Variants in VKORC1 observed in about 807,000 individuals in gnomAD.
VKORC1 encodes the protein vitamin K epoxide reductase complex subunit 1.
In VKORC1, 12 loss-of-function variants were observed where a neutral mutation model predicts 14.8. The observed-to-expected ratio is 0.81, with a 90% confidence interval of 0.52 to 1.31. The LOEUF (loss-of-function observed/expected upper bound fraction) is 1.31. VKORC1 is among the 50% of genes most tolerant of loss of function. The pLI is 0.00. For missense variants in VKORC1, 223 were observed against 215.3 expected (o/e 1.04, Z -0.22); for synonymous variants, 94 against 92.5 (o/e 1.02, Z -0.09).
Position 31,094,546 on chromosome 16 carries a change from C to A in VKORC1, c.173+11G>T, listed in dbSNP as rs201515545. On this transcript the variant is annotated intron_variant, in intron 1 of 2. Coordinates refer to ENST00000394975, the MANE Select transcript of VKORC1 (RefSeq NM_024006.6). ...GCTCCGAGGCCCCACGCCTCCCACT[C>A]CCGTGCACACCTGGAGGAGAAGACG... 164 of 1,612,488 alleles carry A rather than the reference C, an allele frequency of 1.0e-4. No individual in the cohort carries two copies. In the East Asian group the frequency reaches 3.6e-3, roughly 36 times the overall value.
At chr16:31,093,559 T>C in intron 1 of VKORC1, 138 bp from the exon 2 acceptor site, 2 of 1,538,796 alleles carry the variant, frequency 1.3e-6, no homozygotes. Flanking sequence ...AGTCCAAGGG[T>C]CGATGATCTC....
chr16:31,093,650 G>A, intron 1 of VKORC1: 4 of 996,908 alleles, frequency 4.0e-6, no homozygotes, highest in Non-Finnish European at 5.7e-6. Flanking sequence ...AGGCCCGGAC[G>A]TGGCTACTCC....
rs762032513 is a variant in VKORC1 at position 31,093,403 on chromosome 16, C to A, written c.192G>T (p.Gly64=). 4 of 1,614,044 alleles carry A rather than the reference C, an allele frequency of 2.5e-6. No homozygotes were observed. The African/African-American group carries it at 4.0e-5, about 16-fold the overall frequency. Reference sequence around the variant, plus strand: ...CCTGTCCCAGCACATGCTCCACCAGCCCGAAACCCCTGCCCCACCTGGCAG... The same window carrying A: ...CCTGTCCCAGCACATGCTCCACCAGACCGAAACCCCTGCCCCACCTGGCAG... ...VFSSRWGRGF[G]LVEHVLGQDS... The change falls in exon 2 of 3, where the codon GGG becomes GGT. Residue 64 remains glycine, a synonymous_variant. Coordinates refer to ENST00000394975, the MANE Select transcript of VKORC1 (RefSeq NM_024006.6).
chr16:31,094,070 A>G, intron 1 of VKORC1: 7 of 1,230,232 alleles, frequency 5.7e-6, no homozygotes, highest in Non-Finnish European at 7.9e-6. Context: ...AGAGACTGGG[A>G]GTCGGGGGCA....
chr16:31,093,184 G>C (rs2057301165), intron 2 of VKORC1, 128 bp downstream of exon 2: 2 of 983,698 alleles, frequency 2.0e-6, no homozygotes, highest in African/African-American at 1.6e-5. Flanking sequence ...CCCGCAGGAC[G>C]CTCCGTGATG....
At position 31,091,174 on chromosome 16, in the gene VKORC1, C is replaced by A. The variant is rs199952041; in HGVS notation, c.452G>T (p.Arg151Leu). Reference sequence around the variant, plus strand: ...CTTGCCCTGGGGTTCTTGGACCTTCCGGAAACTGAGCCACATCAGGCTCAC... The same window carrying A: ...CTTGCCCTGGGGTTCTTGGACCTTCAGGAAACTGAGCCACATCAGGCTCAC... The part of the protein sequence containing the change: ...INVSLMWLSF[R>L]KVQEPQGKAK... The change falls in exon 3 of 3, where the codon CGG (arginine) becomes CTG (leucine). Residue 151 changes from arginine (R) to leucine (L), a missense_variant. Coordinates refer to ENST00000394975, the MANE Select transcript of VKORC1 (RefSeq NM_024006.6). The A allele has an allele frequency of 3.1e-6, 5 of 1,613,948 alleles. No homozygotes were observed. The African/African-American group carries it at 6.7e-5, about 22-fold the overall frequency.
intron 2 of VKORC1, among the ~76,000 whole-genome samples, chr16:31,091,917 C>T (rs1258730167): frequency 6.6e-6 from 1 of 151,728 alleles, no homozygotes; most frequent in African/African-American, 2.4e-5. Context: ...GGTTGACTCA[C>T]GCCTGTAATC....
At chr16:31,092,029 T>A (rs2057293261) in intron 2 of VKORC1, among the ~76,000 whole-genome samples, 1 of 151,554 alleles carries the variant, frequency 6.6e-6, no homozygotes, top group Admixed American at 6.6e-5. Flanking sequence ...AATACAAAAA[T>A]TAGCTGGGCG....
In VKORC1 at chr16:31,091,103, A is replaced by C. The variant is rs2057285862; in HGVS notation, c.*31T>G. ...CAAGGCTCACATGCCAAAGCAAAGC[A>C]GATGAGGTCAGCCTGGCTTGGGTTG... is the stretch of plus-strand genomic sequence containing the variant. On this transcript the variant is annotated 3_prime_UTR_variant, in exon 3 of 3. Transcript: ENST00000394975. 1 of 1,611,892 alleles carries C rather than the reference A, an allele frequency of 6.2e-7. No individual in the cohort carries two copies. Among genetic ancestry groups the C allele is most frequent in the South Asian group, 1.1e-5 (1 of 90,834 alleles).
intron 1 of VKORC1, chr16:31,094,041 G>A: frequency 1.9e-6 from 2 of 1,049,856 alleles, no homozygotes; most frequent in Non-Finnish European, 2.7e-6. Context: ...TGGTATAACG[G>A]TTCACTCGGT....
chr16:31,091,052 T>C lies in VKORC1; in HGVS notation c.*82A>G. ...TAGAAGCCCCACATCTAGGGCCTTC[T>C]AGGGACCCAGATATGCCCCCTTAGG... On this transcript the variant is annotated 3_prime_UTR_variant, in exon 3 of 3. Coordinates refer to ENST00000394975, the MANE Select transcript of VKORC1 (RefSeq NM_024006.6). 3.2e-6 allele frequency: 5 copies of C among 1,569,752 alleles called. No individual in the cohort carries two copies. In the South Asian group the frequency reaches 5.8e-5, roughly 18 times the overall value.
chr16:31,093,679 C>T, intron 1 of VKORC1: 3 of 323,552 alleles, frequency 9.3e-6, no homozygotes, highest in East Asian at 6.4e-5. Context: ...TGCTTTTCAT[C>T]TTAGACCTTA....
Position 31,091,244 on chromosome 16 carries a change from G to A in VKORC1, c.382C>T (p.Leu128Phe). The A allele has an allele frequency of 1.2e-6, 2 of 1,614,180 alleles. No individual in the cohort carries two copies. The highest frequency in any genetic ancestry group is 1.7e-6 in the Non-Finnish European group (2 of 1,180,046). The part of the protein sequence containing the change: ...VYLAWILFFV[L>F]YDFCIVCITT... Reference sequence around the variant, plus strand: ...ATACAAACAATGCAGAAATCATAGAGCACGAAGAACAGGATCCAGGCCAGG... The same window carrying A: ...ATACAAACAATGCAGAAATCATAGAACACGAAGAACAGGATCCAGGCCAGG... Residue 128 changes from leucine to phenylalanine, a missense_variant, in exon 3 of 3, where the codon CTC becomes TTC. Coordinates refer to ENST00000394975, the MANE Select transcript of VKORC1 (RefSeq NM_024006.6).
At chr16:31,093,445 G>A (rs777552067) in intron 1 of VKORC1, 24 bp from the exon 2 acceptor site, 1 of 1,614,130 alleles carries the variant, frequency 6.2e-7, no homozygotes, top group East Asian at 2.2e-5. Flanking sequence ...GGGGTGGGGT[G>A]GAACCAGGTT....
In VKORC1 at chr16:31,093,814, C is replaced by T. The variant is rs1366304742; in HGVS notation, c.174-393G>A. 3 of 264,094 alleles carry T rather than the reference C, an allele frequency of 1.1e-5. No homozygotes were observed. The South Asian group carries it at 1.3e-4, about 12-fold the overall frequency. 16.4% of individuals were successfully genotyped at this position (264,094 alleles called of 1,614,324 possible). ...CTCCGCCTCCCGGGTTCAAGCGATT[C>T]TCCTGCCTTAGCCCCCCCGAGTAGC... On this transcript the variant is annotated intron_variant, in intron 1 of 2. Transcript: ENST00000394975.
chr16:31,094,575 G>A lies in VKORC1; in HGVS notation c.155C>T (p.Ser52Leu). 1.2e-6 allele frequency: 2 copies of A among 1,611,210 alleles called. No homozygotes were observed. Among genetic ancestry groups the A allele is most frequent in the Non-Finnish European group, 1.7e-6 (2 of 1,179,332 alleles). Residue 52 changes from serine to leucine, a missense_variant, in exon 1 of 3, where the codon TCG becomes TTG. Coordinates refer to ENST00000394975, the MANE Select transcript of VKORC1 (RefSeq NM_024006.6). ...TGCACACCTGGAGGAGAAGACGCGC[G>A]AACAGCTGATGGCGGTGCCCACGTC... ...LCDVGTAISC[S>L]RVFSSRWGRG...
chr16:31,092,758 G>A (rs2057297509), intron 2 of VKORC1: 2 of 1,279,262 alleles, frequency 1.6e-6, no homozygotes, highest in African/African-American at 1.5e-5. Context: ...CAAAACTGGG[G>A]TGTTGGTGGG....
intron 2 of VKORC1, 146 bp downstream of exon 2, chr16:31,093,166 C>T: frequency 5.9e-6 from 5 of 850,792 alleles, no homozygotes; most frequent in Non-Finnish European, 9.3e-6. Context: ...TACCTCCCCA[C>T]ATCCCCACCC....
At position 31,091,033 on chromosome 16, in the gene VKORC1, C is replaced by T; in HGVS notation, c.*101G>A. 1 of 1,527,500 alleles carries T rather than the reference C, an allele frequency of 6.5e-7. No homozygotes were observed. Among genetic ancestry groups the T allele is most frequent in the South Asian group, 1.2e-5 (1 of 83,492 alleles). 94.6% of individuals were successfully genotyped at this position (1,527,500 alleles called of 1,614,324 possible). A position where few individuals can be genotyped will look rare whatever the true frequency, so the allele number is the denominator to read the frequency against. On this transcript the variant is annotated 3_prime_UTR_variant, in exon 3 of 3. Coordinates refer to ENST00000394975, the MANE Select transcript of VKORC1 (RefSeq NM_024006.6). ...GCAGGAGGAGGGGGTAATCTAGAAG[C>T]CCCACATCTAGGGCCTTCTAGGGAC... is the stretch of plus-strand genomic sequence containing the variant.
Sources: gnomAD v4.1 joint callset for allele counts (sites outside exome capture counted in the v4.1 genomes callset) on GRCh38, gnomAD v4.1.1 for gene constraint, MANE v1.5 for transcripts, NCBI Gene and HGNC (gene_info 2026-07-23, HGNC 2026-07-21) for gene names.